Variants in ERCC4 observed in about 807,000 individuals in gnomAD.
ERCC4 encodes the protein ERCC excision repair 4, endonuclease catalytic subunit, also known as DNA repair endonuclease XPF.
Under a neutral mutation model 76.9 loss-of-function variants are expected in ERCC4, and 65 were observed. The observed-to-expected ratio is 0.84, with a 90% CI of 0.69 to 1.04. ERCC4 has a LOEUF of 1.04. ERCC4 is among the 50% of genes least tolerant of loss of function. ERCC4 has a pLI of 0.00. For missense variants in ERCC4, 1,214 were observed against 1,128.2 expected, an observed-to-expected ratio of 1.08 and a Z score of -1.09; for synonymous variants, 463 against 410.1, an observed-to-expected ratio of 1.13 and a Z score of -1.56.
chr16:13,946,033 C>G (rs2032507035), intron 10 of ERCC4, among the ~76,000 whole-genome samples: 1 of 152,190 alleles, frequency 6.6e-6, no homozygotes, highest in African/African-American at 2.4e-5. Flanking sequence ...CCTGGAGGCT[C>G]TAGGGGAGAA....
chr16:13,937,806 C>T lies in ERCC4; in HGVS notation c.1852C>T (p.Arg618Cys), dbSNP rs373565480. 26 of 1,613,412 alleles carry T rather than the reference C, an allele frequency of 1.6e-5. No individual in the cohort carries two copies. Among genetic ancestry groups the T allele is most frequent in the South Asian group, 2.2e-5 (2 of 91,076 alleles). Residue 618 changes from arginine (R) to cysteine (C), a missense_variant, in exon 9 of 11, where the codon CGC becomes TGC. Arg to Cys is a radical substitution (Grantham distance 180). Transcript: ENST00000311895. ...LIYGGSTEEQ[R>C]YLTALRKEKE... ...ATACGGAGGTTCAACTGAGGAACAACGCTATCTCACTGCTTTGCGGAAAGA... is the reference window on the plus strand; with the variant it reads ...ATACGGAGGTTCAACTGAGGAACAATGCTATCTCACTGCTTTGCGGAAAGA...
At chr16:13,926,381 A>G (rs909313953) in intron 2 of ERCC4, among the ~76,000 whole-genome samples, 180 bp from the exon 3 acceptor site, 1 of 151,414 alleles carries the variant, frequency 6.6e-6, no homozygotes, top group African/African-American at 2.5e-5. Context: ...TATTTTACGT[A>G]TTTATATTGT....
intron 9 of ERCC4, among the ~76,000 whole-genome samples, chr16:13,943,669 G>A (rs986789292): frequency 2.0e-5 from 3 of 151,990 alleles, no homozygotes; most frequent in Non-Finnish European, 2.9e-5. Context: ...AATTAACATT[G>A]ATGGTTCCTC....
chr16:13,940,122 A>G (rs2032384300), intron 9 of ERCC4, among the ~76,000 whole-genome samples: 1 of 152,212 alleles, frequency 6.6e-6, no homozygotes, highest in African/African-American at 2.4e-5. Flanking sequence ...GCAGTGGCTC[A>G]CGCCTGTAAT....
intron 6 of ERCC4, 40 bp from the exon 7 acceptor site, chr16:13,934,152 A>G (rs2032237157): frequency 1.5e-6 from 2 of 1,356,010 alleles, no homozygotes; most frequent in South Asian, 2.4e-5. Context: ...TTATGGGTAA[A>G]TATTATCACA....
At chr16:13,934,496 A>C in intron 7 of ERCC4, 194 bp downstream of exon 7, 1 of 564,096 alleles carries the variant, frequency 1.8e-6, no homozygotes, top group South Asian at 2.0e-5. Context: ...TCCTAGTGGC[A>C]ACCTCATTTC....
chr16:13,937,086 A>ATTTTTTTTTTTTTTTTT (rs71150154), intron 8 of ERCC4, among the ~76,000 whole-genome samples: 2 of 128,708 alleles, frequency 1.6e-5, no homozygotes, highest in Non-Finnish European at 3.3e-5. Flanking sequence ...TGCTCAACTA[A>ATTTTTTTTTTTTTTTTT]TTTTTTTTTT....
intron 6 of ERCC4, chr16:13,932,914 C>T (rs1370141957): frequency 4.6e-5 from 10 of 219,480 alleles, no homozygotes; most frequent in South Asian, 3.3e-4. Context: ...GGCGTGGTGG[C>T]GGGCACCTGT....
chr16:13,931,979 C>T (rs2032180749), intron 5 of ERCC4, 178 bp from the exon 6 acceptor site: 4 of 647,676 alleles, frequency 6.2e-6, no homozygotes, highest in Non-Finnish European at 1.1e-5. Flanking sequence ...GTTCACGGAC[C>T]ACACCCAGAA....
intron 2 of ERCC4, chr16:13,922,774 A>T (rs1360444970): frequency 4.2e-6 from 1 of 238,348 alleles, no homozygotes; most frequent in African/African-American, 2.3e-5. Context: ...AGTGGGCACT[A>T]CTGGATCCTT....
chr16:13,927,895 T>A lies in ERCC4; in HGVS notation c.585-133T>A, dbSNP rs2032101040. On this transcript the variant is annotated intron_variant, in intron 3 of 10. Transcript: ENST00000311895. ...AGTGTTTTTGAAAATGTTGTTGCTT[T>A]GCTTTTCATTTGTTTGTTGTTTTGC... 1.2e-5 allele frequency: 8 copies of A among 690,160 alleles called. 1 individual carries two copies. The highest frequency in any genetic ancestry group is 1.8e-5 in the Non-Finnish European group (7 of 389,608). The allele number at this position is 690,160 out of a possible 1,614,324, so 42.8% of individuals were successfully genotyped here.
In ERCC4 at chr16:13,922,042, C is replaced by T. The variant is rs1035229051; in HGVS notation, c.219C>T (p.Ile73=). Residue 73 remains isoleucine (I), a synonymous_variant, in exon 2 of 11, where the codon ATC becomes ATT. Coordinates refer to ENST00000311895, the MANE Select transcript of ERCC4 (RefSeq NM_005236.3). ...NTQPAEEEYF[I]NQLKIEGVEH... is the part of the protein sequence containing the mutation. ...TTGATTTGATTTAGGAGTATTTTAT[C>T]AATCAGCTGAAGATAGAAGGAGTTG... is the stretch of plus-strand genomic sequence containing the variant. 1.2e-6 allele frequency: 2 copies of T among 1,613,004 alleles called. No homozygotes were observed. The highest frequency in any genetic ancestry group is 2.7e-5 in the African/African-American group (2 of 74,988).
Position 13,949,608 on chromosome 16 carries a change from A to G in ERCC4, c.*1261A>G. 4.3e-6 allele frequency: 1 copy of G among 232,872 alleles called. No homozygotes were observed. Among genetic ancestry groups the G allele is most frequent in the Non-Finnish European group, 8.5e-6 (1 of 117,806 alleles). The allele number at this position is 232,872 out of a possible 1,614,324, so 14.4% of individuals were successfully genotyped here. A position where few individuals can be genotyped will look rare whatever the true frequency, so the allele number is the denominator to read the frequency against. On this transcript the variant is annotated 3_prime_UTR_variant, in exon 11 of 11. Transcript: ENST00000311895. ...TAAATGAAAGATCAATGTATGGAAT[A>G]TATAAAAATACGAAAGAAATATATA...
intron 6 of ERCC4, chr16:13,933,145 A>C: frequency 3.2e-6 from 1 of 316,492 alleles, no homozygotes; most frequent in Non-Finnish European, 6.3e-6. Flanking sequence ...AGGTGAGCCC[A>C]GGAGTTGAAG....
intron 9 of ERCC4, among the ~76,000 whole-genome samples, chr16:13,938,457 C>G (rs1413047517): frequency 1.3e-5 from 2 of 152,192 alleles, no homozygotes; most frequent in East Asian, 3.8e-4. Context: ...GAGATGTTCA[C>G]AAACTGGTTG....
rs1281464704 is a variant in ERCC4, at chr16:13,922,272, A to G, written c.388+61A>G. 1.6e-5 allele frequency: 18 copies of G among 1,126,852 alleles called. No homozygotes were observed. In the East Asian group the frequency reaches 3.8e-4, roughly 24 times the overall value. The allele number at this position is 1,126,852 out of a possible 1,614,324, so 69.8% of individuals were successfully genotyped here. A position where few individuals can be genotyped will look rare whatever the true frequency, so the allele number is the denominator to read the frequency against. ...TTGTACTTTTTTTTTTTTAAGTACA[A>G]TTTCCATTTTATTTTTCTCCAGAGA... On this transcript the variant is annotated intron_variant, in intron 2 of 10. Coordinates refer to ENST00000311895, the MANE Select transcript of ERCC4 (RefSeq NM_005236.3).
intron 7 of ERCC4, 58 bp from the exon 8 acceptor site, chr16:13,935,088 A>G (rs1596626320): frequency 3.1e-6 from 4 of 1,308,006 alleles, no homozygotes; most frequent in Non-Finnish European, 4.4e-6. Flanking sequence ...AAGGGGGCAC[A>G]GGGAAACTAG....
intron 4 of ERCC4, among the ~76,000 whole-genome samples, chr16:13,929,964 AAAT>A (rs1013588872): frequency 6.6e-6 from 1 of 152,066 alleles, no homozygotes; most frequent in Non-Finnish European, 1.5e-5. Context: ...CTCCATCTCA[AAAT>A]AATAATAATA....
intron 2 of ERCC4, among the ~76,000 whole-genome samples, chr16:13,924,422 A>G (rs1489765401): frequency 6.6e-6 from 1 of 152,182 alleles, no homozygotes; most frequent in Admixed American, 6.5e-5. Context: ...TCTGGGAAAT[A>G]TATATGTATT....
Sources: allele counts gnomAD v4.1 joint callset (sites outside exome capture counted in the v4.1 genomes callset), GRCh38; gene constraint gnomAD v4.1.1; transcripts MANE v1.5; gene names NCBI Gene and HGNC (gene_info 2026-07-23, HGNC 2026-07-21).